Variants in SIK2 observed in about 807,000 individuals in gnomAD.
SIK2 encodes the protein serine/threonine-protein kinase SIK2.
A neutral mutation model predicts 103.2 loss-of-function variants in SIK2; 29 were observed. The ratio of observed to expected loss-of-function variants is 0.28; its 90% CI spans 0.21 to 0.38. SIK2 has a LOEUF of 0.38. Among genes scored for constraint, SIK2 ranks in the 10% least tolerant of loss-of-function variants. The pLI is 1.00. For missense variants in SIK2, 879 were observed against 1,171.0 expected (o/e 0.75, Z 3.64); for synonymous variants, 412 against 446.1 (o/e 0.92, Z 0.96).
intron 3 of SIK2, among the ~76,000 whole-genome samples, chr11:111,675,221 A>G (rs1485621924): frequency 6.6e-6 from 1 of 152,222 alleles, no homozygotes; most frequent in Non-Finnish European, 1.5e-5. Context: ...ATGGTAGATG[A>G]TAGAAACATA....
At chr11:111,710,585 C>G (rs1943468719) in intron 8 of SIK2, among the ~76,000 whole-genome samples, 1 of 152,200 alleles carries the variant, frequency 6.6e-6, no homozygotes, top group South Asian at 2.1e-4. Context: ...ATTCATTTTG[C>G]AAACTAATTC....
At chr11:111,658,569 T>TC (rs1377006200) in intron 3 of SIK2, among the ~76,000 whole-genome samples, 2 of 152,050 alleles carry the variant, frequency 1.3e-5, no homozygotes, top group Non-Finnish European at 2.9e-5. Context: ...ATGGCAAAAC[T>TC]CCATCTCTAC....
At chr11:111,723,212 T>C (rs948230546) in intron 14 of SIK2, among the ~76,000 whole-genome samples, 2 of 152,154 alleles carry the variant, frequency 1.3e-5, no homozygotes, top group Admixed American at 6.5e-5. Flanking sequence ...TTCTAGCCTC[T>C]CCAGAAGGGA....
At chr11:111,721,985 A>T in intron 13 of SIK2, 45 bp downstream of exon 13, 7 of 1,438,478 alleles carry the variant, frequency 4.9e-6, no homozygotes, top group Non-Finnish European at 6.6e-6. Context: ...GCTCATCCAG[A>T]ATCTGTTCTT....
chr11:111,612,782 A>C (rs537477107), intron 1 of SIK2, among the ~76,000 whole-genome samples: 25 of 152,122 alleles, frequency 1.6e-4, no homozygotes, highest in African/African-American at 5.8e-4. Context: ...TTGAATCATA[A>C]GTTTTGGGGT....
chr11:111,723,111 G>A (rs1239276588), intron 14 of SIK2, among the ~76,000 whole-genome samples: 9 of 152,170 alleles, frequency 5.9e-5, no homozygotes, highest in Non-Finnish European at 8.8e-5. Flanking sequence ...CCACAGCCTC[G>A]CTAGTAGAAG....
chr11:111,693,331 C>CAAAAAAAAAAA (rs1306377241), intron 4 of SIK2, among the ~76,000 whole-genome samples: 1 of 93,630 alleles, frequency 1.1e-5, no homozygotes, highest in African/African-American at 4.0e-5. Context: ...GACTCCGTCT[C>CAAAAAAAAAAA]AAAAAAAAAA....
Position 111,701,479 on chromosome 11 carries a change from G to A in SIK2, c.631G>A (p.Val211Ile). 6.2e-7 allele frequency: 1 copy of A among 1,613,842 alleles called. No individual in the cohort carries two copies. The change falls in exon 6 of 15, where the codon GTC becomes ATC. Residue 211 changes from valine to isoleucine, a missense_variant. This residue lies in a region of SIK2 where 126 missense variants were observed against 245.5 expected (regional missense o/e 0.51). Coordinates refer to ENST00000304987, the MANE Select transcript of SIK2 (RefSeq NM_015191.3). The surrounding 1 kb of genome is among the most constrained non-coding windows in gnomAD (Gnocchi z 4.2). The stretch of plus-strand genomic sequence containing the variant: ...TATGGGAGTTGTTCTTTATGTCCTT[G>A]TCTGTGGAGCTCTGCCCTTTGATGG... ...WSMGVVLYVL[V>I]CGALPFDGPT...
Position 111,727,816 on chromosome 11 carries a change from C to T in SIK2, c.*3687C>T, listed in dbSNP as rs117929286. ...ACAGTTGGTCCCAGGCGTGTGGGCACTAAGCAGCCTCTGGAGACATGCGGG... is the reference window on the plus strand; with the variant it reads ...ACAGTTGGTCCCAGGCGTGTGGGCATTAAGCAGCCTCTGGAGACATGCGGG... On this transcript the variant is annotated 3_prime_UTR_variant, in exon 15 of 15. Transcript: ENST00000304987. 1 of 152,436 alleles carries T rather than the reference C, an allele frequency of 6.6e-6. No individual in the cohort carries two copies. Among genetic ancestry groups the T allele is most frequent in the East Asian group, 1.9e-4 (1 of 5,186 alleles). The allele number at this position is 152,436 out of a possible 1,614,324, so 9.4% of individuals were successfully genotyped here.
At chr11:111,723,353 T>C (rs564601) in intron 14 of SIK2, 143 bp from the exon 15 acceptor site, 572,634 of 832,090 alleles carry the variant, frequency 0.69, 205,097 homozygotes, top group East Asian at 0.86. Context: ...CCCAACACAA[T>C]TGGTTCCCAT....
intron 3 of SIK2, among the ~76,000 whole-genome samples, chr11:111,624,189 C>T (rs543227317): frequency 2.0e-5 from 3 of 152,290 alleles, no homozygotes; most frequent in African/African-American, 7.2e-5. Context: ...ACCATATGCA[C>T]TTCTATAGTT....
At chr11:111,628,402 G>A (rs994139234) in intron 3 of SIK2, among the ~76,000 whole-genome samples, 1 of 70,624 alleles carries the variant, frequency 1.4e-5, no homozygotes, top group African/African-American at 3.2e-5. Flanking sequence ...CTCTTTAGAG[G>A]CAACCGCTTT....
intron 3 of SIK2, among the ~76,000 whole-genome samples, chr11:111,625,118 G>A (rs1057109214): frequency 1.3e-5 from 2 of 152,134 alleles, no homozygotes; most frequent in Admixed American, 6.5e-5. Context: ...AGATTTGGGG[G>A]CATTGTGTAG....
chr11:111,708,729 G>A (rs1268235945), intron 8 of SIK2, among the ~76,000 whole-genome samples: 1 of 152,024 alleles, frequency 6.6e-6, no homozygotes, highest in African/African-American at 2.4e-5. Flanking sequence ...GACCACAAGT[G>A]CATGCCACCA....
intron 3 of SIK2, among the ~76,000 whole-genome samples, chr11:111,623,446 G>C (rs1237607423): frequency 6.6e-5 from 10 of 152,156 alleles, no homozygotes; most frequent in Non-Finnish European, 1.3e-4. Context: ...GCTAGACATT[G>C]CCAATTTTAC....
chr11:111,695,737 G>T (rs1943056671), intron 4 of SIK2, among the ~76,000 whole-genome samples: 2 of 152,090 alleles, frequency 1.3e-5, no homozygotes, highest in Admixed American at 6.5e-5. Context: ...GTTAGTATTT[G>T]ATTTATTTCA....
At chr11:111,642,363 G>A (rs1212723017) in intron 3 of SIK2, among the ~76,000 whole-genome samples, 1 of 152,198 alleles carries the variant, frequency 6.6e-6, no homozygotes, top group East Asian at 1.9e-4. Context: ...GAATTCCCAT[G>A]ACTCTCTACT....
intron 3 of SIK2, among the ~76,000 whole-genome samples, chr11:111,626,683 G>T: frequency 6.9e-6 from 1 of 145,722 alleles, no homozygotes. Flanking sequence ...TTTATTTTCT[G>T]AGTTTTCTAG....
chr11:111,710,760 A>G (rs1943472048), intron 8 of SIK2, among the ~76,000 whole-genome samples: 1 of 152,244 alleles, frequency 6.6e-6, no homozygotes, highest in South Asian at 2.1e-4. Flanking sequence ...GAGGTTAGGA[A>G]ACCTGATTAA....
Sources: gnomAD v4.1 joint callset for allele counts (sites outside exome capture counted in the v4.1 genomes callset) on GRCh38, gnomAD v4.1.1 for gene constraint, gnomAD v4.1.1 regional missense constraint, Gnocchi (gnomAD v3.1) non-coding constraint, MANE v1.5 for transcripts, NCBI Gene and HGNC (gene_info 2026-07-23, HGNC 2026-07-21) for gene names.